Variants in METTL24 observed in about 807,000 individuals in gnomAD.
The protein encoded by METTL24 is methyltransferase like 24, also known as probable methyltransferase-like protein 24.
In METTL24, 29 loss-of-function variants were observed where a neutral mutation model predicts 32.7. The observed-to-expected ratio is 0.89, with a 90% CI of 0.66 to 1.21. METTL24 has a LOEUF of 1.21. Ranked by LOEUF, METTL24 falls within the 50% of genes most tolerant of loss-of-function variation. The pLI is 0.00. For missense variants in METTL24, 439 were observed against 468.1 expected, an observed-to-expected ratio of 0.94 and a Z score of 0.57; for synonymous variants, 163 against 179.5, an observed-to-expected ratio of 0.91 and a Z score of 0.73.
At chr6:110,331,502 ATAAAAAT>A (rs764202818) in intron 1 of METTL24, among the ~76,000 whole-genome samples, 1 of 151,916 alleles carries the variant, frequency 6.6e-6, no homozygotes, top group Non-Finnish European at 1.5e-5. Context: ...CTACAAAAAT[ATAAAAAT>A]TAGCTAGGCA....
intron 4 of METTL24, among the ~76,000 whole-genome samples, chr6:110,287,140 A>G (rs1268641032): frequency 6.6e-6 from 1 of 152,218 alleles, no homozygotes; most frequent in Non-Finnish European, 1.5e-5. Flanking sequence ...TAAACACTGA[A>G]TGGTTTGAAA....
At chr6:110,307,005 T>A (rs61196428) in intron 3 of METTL24, among the ~76,000 whole-genome samples, 3 of 152,248 alleles carry the variant, frequency 2.0e-5, no homozygotes, top group Non-Finnish European at 2.9e-5. Context: ...AAGTCCGCAG[T>A]GCTGAATAGA....
chr6:110,323,799 G>A (rs962630994), intron 1 of METTL24, among the ~76,000 whole-genome samples: 10 of 152,224 alleles, frequency 6.6e-5, no homozygotes, highest in African/African-American at 2.4e-4. Context: ...AATGTCTAGT[G>A]CCAGGAAAGG....
At chr6:110,301,355 C>T (rs1771513956) in intron 3 of METTL24, among the ~76,000 whole-genome samples, 2 of 152,288 alleles carry the variant, frequency 1.3e-5, no homozygotes, top group South Asian at 4.1e-4. Context: ...GCTCCTTCAA[C>T]CCTGCACCAT....
chr6:110,353,421 C>T (rs1289132256), intron 1 of METTL24, among the ~76,000 whole-genome samples: 2 of 152,090 alleles, frequency 1.3e-5, no homozygotes, highest in Non-Finnish European at 2.9e-5. Flanking sequence ...CAGGGGGCAT[C>T]CCATACCATT....
intron 4 of METTL24, among the ~76,000 whole-genome samples, chr6:110,285,259 T>C (rs1771201410): frequency 6.6e-6 from 1 of 152,356 alleles, no homozygotes; most frequent in East Asian, 1.9e-4. Context: ...TGTTTCATTA[T>C]CATTTCAACT....
intron 3 of METTL24, among the ~76,000 whole-genome samples, chr6:110,313,497 C>T (rs920914559): frequency 2.6e-5 from 4 of 152,116 alleles, no homozygotes; most frequent in South Asian, 2.1e-4. Context: ...ACTTTCCCCC[C>T]AAACAGCTTT....
chr6:110,318,346 G>A (rs1282505838), intron 2 of METTL24, among the ~76,000 whole-genome samples: 1 of 151,952 alleles, frequency 6.6e-6, no homozygotes, highest in East Asian at 1.9e-4. Flanking sequence ...TCCTTTCTTA[G>A]CTCAGAAATA....
chr6:110,325,092 G>A (rs1771995056), intron 1 of METTL24, among the ~76,000 whole-genome samples: 1 of 152,110 alleles, frequency 6.6e-6, no homozygotes, highest in Admixed American at 6.5e-5. Flanking sequence ...CCAGGTTGCT[G>A]CAGCAGCCAG....
intron 1 of METTL24, among the ~76,000 whole-genome samples, chr6:110,349,128 G>A (rs977835233): frequency 3.3e-5 from 5 of 152,150 alleles, no homozygotes; most frequent in African/African-American, 4.8e-5. Flanking sequence ...ATTTAGACAC[G>A]GATGATTGAA....
intron 1 of METTL24, among the ~76,000 whole-genome samples, chr6:110,346,034 A>G (rs1475352919): frequency 6.6e-6 from 1 of 152,248 alleles, no homozygotes; most frequent in African/African-American, 2.4e-5. Context: ...TGGGCCATAC[A>G]TAAGCTACAT....
chr6:110,265,125 AAAGGAAAGAAAGAAAG>A (rs1212751622), intron 4 of METTL24, among the ~76,000 whole-genome samples: 34 of 142,640 alleles, frequency 2.4e-4, no homozygotes, highest in African/African-American at 8.9e-4. Context: ...GTATAATAAA[AAAGGAAAGAAAGAAAG>A]AAAGAAAGAA....
At chr6:110,357,846 T>C in intron 1 of METTL24, 109 bp downstream of exon 1, 1 of 460,136 alleles carries the variant, frequency 2.2e-6, no homozygotes, top group Non-Finnish European at 3.1e-6. Context: ...AGCGGAAGCC[T>C]CCGGAGGTCC....
At chr6:110,302,412 T>C (rs931652773) in intron 3 of METTL24, among the ~76,000 whole-genome samples, 3 of 150,596 alleles carry the variant, frequency 2.0e-5, no homozygotes, top group African/African-American at 7.4e-5. Flanking sequence ...TATTGAGGTA[T>C]ATATACACAT....
At chr6:110,265,125 A>AAAGGAAAGAAAG (rs1272278654) in intron 4 of METTL24, among the ~76,000 whole-genome samples, 1 of 142,640 alleles carries the variant, frequency 7.0e-6, no homozygotes, top group African/African-American at 2.6e-5. Context: ...GTATAATAAA[A>AAAGGAAAGAAAG]AAGGAAAGAA....
chr6:110,247,209 C>T (rs1022549433), intron 4 of METTL24, among the ~76,000 whole-genome samples: 6 of 152,246 alleles, frequency 3.9e-5, no homozygotes, highest in South Asian at 4.1e-4. Context: ...CTTGCAATAT[C>T]CATTTAATCC....
chr6:110,316,931 G>A (rs76021255), intron 2 of METTL24, among the ~76,000 whole-genome samples: 1 of 152,082 alleles, frequency 6.6e-6, no homozygotes, highest in Non-Finnish European at 1.5e-5. Context: ...AGAAAAAAAA[G>A]ATATTCTAGG....
At chr6:110,258,408 C>A (rs1467019206) in intron 4 of METTL24, among the ~76,000 whole-genome samples, 2 of 152,096 alleles carry the variant, frequency 1.3e-5, no homozygotes, top group Non-Finnish European at 2.9e-5. Context: ...GGTATATATT[C>A]CTTATGCCTT....
intron 4 of METTL24, among the ~76,000 whole-genome samples, chr6:110,284,055 A>G (rs1185739086): frequency 6.6e-6 from 1 of 152,242 alleles, no homozygotes; most frequent in Non-Finnish European, 1.5e-5. Context: ...GTTCTGGCAC[A>G]TGCTACAACC....
Sources: gnomAD v4.1 joint callset for allele counts (sites outside exome capture counted in the v4.1 genomes callset) on GRCh38, gnomAD v4.1.1 for gene constraint, MANE v1.5 for transcripts, NCBI Gene and HGNC (gene_info 2026-07-23, HGNC 2026-07-21) for gene names.